The following PRKN variants were observed in gnomAD, a reference collection of about 807,000 sequenced individuals.
PRKN encodes the protein E3 ubiquitin-protein ligase parkin.
A neutral mutation model predicts 59.5 loss-of-function variants in PRKN; 56 were observed. The observed-to-expected ratio is 0.94, with a 90% CI of 0.76 to 1.18. The LOEUF (loss-of-function observed/expected upper bound fraction) is 1.18. Ranked by LOEUF, PRKN falls within the 50% of genes most tolerant of loss-of-function variation. PRKN has a pLI of 0.00. For synonymous variants in PRKN, 250 were observed against 222.1 expected (o/e 1.13, Z -1.12); for missense variants, 657 against 596.4 (o/e 1.10, Z -1.06).
At chr6:161,682,463 G>A (rs1419730908) in intron 7 of PRKN, among the ~76,000 whole-genome samples, 1 of 152,162 alleles carries the variant, frequency 6.6e-6, no homozygotes, top group African/African-American at 2.4e-5. Flanking sequence ...AATGGTTAGG[G>A]TGCATTGTGA....
At chr6:162,247,246 TAGA>T (rs1275064908) in intron 3 of PRKN, among the ~76,000 whole-genome samples, 1 of 152,154 alleles carries the variant, frequency 6.6e-6, no homozygotes, top group Non-Finnish European at 1.5e-5. Flanking sequence ...GAGACTTAAA[TAGA>T]AGAAACAGTA....
At position 162,011,504 on chromosome 6, in the gene PRKN, TATTATATATATATTA is replaced by T. The variant is rs1172164446; in HGVS notation, c.619-38102_619-38088del. Among the ~76,000 whole-genome samples, 54 of 36,622 alleles carry T rather than the reference TATTATATATATATTA, an allele frequency of 1.5e-3. 11 individuals carry two copies. The highest frequency in any genetic ancestry group is 4.5e-3 in the East Asian group (6 of 1,330). The allele number at this position is 36,622 out of a possible 152,430, so 24.0% of individuals were successfully genotyped here. A position where few individuals can be genotyped will look rare whatever the true frequency, so the allele number is the denominator to read the frequency against. The stretch of plus-strand genomic sequence containing the variant: ...TATTATAATATATATAATATATATT[TATTATATATATATTA>T]TATATATATATAAAACTTTCCAGAC... On this transcript the variant is annotated intron_variant, in intron 5 of 11. Transcript: ENST00000366898.
intron 7 of PRKN, among the ~76,000 whole-genome samples, chr6:161,726,837 A>C (rs1787462053): frequency 6.6e-6 from 1 of 152,200 alleles, no homozygotes; most frequent in African/African-American, 2.4e-5. Context: ...GAAACTATGA[A>C]AATAAAATCT....
At chr6:161,869,773 G>T (rs540890588) in intron 6 of PRKN, among the ~76,000 whole-genome samples, 69 of 152,188 alleles carry the variant, frequency 4.5e-4, no homozygotes, top group Middle Eastern at 3.4e-3. Context: ...CTTATTCATT[G>T]TCTTCTTCCC....
intron 2 of PRKN, among the ~76,000 whole-genome samples, chr6:162,421,175 T>C (rs193117485): frequency 7.4e-4 from 112 of 152,322 alleles, no homozygotes; most frequent in Non-Finnish European, 1.3e-3. Flanking sequence ...GGAAATCTTA[T>C]TATGCACGAT....
At chr6:162,540,533 C>T (rs976402683) in intron 1 of PRKN, among the ~76,000 whole-genome samples, 3 of 152,012 alleles carry the variant, frequency 2.0e-5, no homozygotes, top group East Asian at 1.9e-4. Context: ...ACTGGCTGGG[C>T]GTGGTGGCTC....
At chr6:161,370,883 C>G (rs559577389) in intron 10 of PRKN, among the ~76,000 whole-genome samples, 1 of 152,336 alleles carries the variant, frequency 6.6e-6, no homozygotes, top group East Asian at 1.9e-4. Flanking sequence ...GCTTTCTCAT[C>G]AACGCTCGCC....
chr6:161,570,146 A>AATATATAT (rs1554277877), intron 7 of PRKN, among the ~76,000 whole-genome samples: 15 of 76,582 alleles, frequency 2.0e-4, no homozygotes, highest in African/African-American at 6.8e-4. Context: ...AAAAAAAAAA[A>AATATATAT]ATATATATAT....
intron 6 of PRKN, among the ~76,000 whole-genome samples, chr6:161,920,110 G>A (rs576457474): frequency 3.9e-5 from 6 of 152,324 alleles, no homozygotes; most frequent in South Asian, 2.1e-4. Context: ...CCGGCTGGGC[G>A]TGCTGGTTCA....
chr6:162,274,743 G>C (rs1400745535), intron 2 of PRKN, among the ~76,000 whole-genome samples: 3 of 152,068 alleles, frequency 2.0e-5, no homozygotes, highest in African/African-American at 4.8e-5. Context: ...TTGCATATGG[G>C]TGGTATTACT....
rs542234777 is a variant in PRKN at position 161,735,745 on chromosome 6, T to A, written c.871+50027A>T. 2.4e-4 allele frequency among the ~76,000 whole-genome samples: 37 copies of A among 152,094 alleles called. No homozygotes were observed. In the South Asian group the frequency reaches 7.1e-3, roughly 29 times the overall value. ...GTCTGGCCAACATGGTGAAACTCCA[T>A]CTCTACTAAAAATACAAAAATTAGC... On this transcript the variant is annotated intron_variant, in intron 7 of 11. Transcript: ENST00000366898.
chr6:161,938,728 A>G (rs896897237), intron 6 of PRKN, among the ~76,000 whole-genome samples: 1 of 152,238 alleles, frequency 6.6e-6, no homozygotes, highest in Admixed American at 6.5e-5. Flanking sequence ...TGTTTGAGCC[A>G]CTGTATAACT....
intron 4 of PRKN, among the ~76,000 whole-genome samples, chr6:162,121,573 G>C (rs1399858062): frequency 6.6e-6 from 1 of 152,218 alleles, no homozygotes; most frequent in Non-Finnish European, 1.5e-5. Context: ...GGCAGTGCAA[G>C]CTGCTTTGCC....
intron 4 of PRKN, among the ~76,000 whole-genome samples, chr6:162,072,882 C>T (rs1330006368): frequency 6.6e-6 from 1 of 152,082 alleles, no homozygotes; most frequent in Non-Finnish European, 1.5e-5. Context: ...AGTGAATATT[C>T]GATAAACGTT....
chr6:162,700,058 A>C (rs1196016493), intron 1 of PRKN, among the ~76,000 whole-genome samples: 2 of 152,170 alleles, frequency 1.3e-5, no homozygotes, highest in Non-Finnish European at 2.9e-5. Flanking sequence ...TTCCATGTTC[A>C]TTAAAATCAT....
At position 161,602,619 on chromosome 6, in the gene PRKN, A is replaced by T. The variant is rs142458847; in HGVS notation, c.872-33203T>A. On this transcript the variant is annotated intron_variant, in intron 7 of 11. Transcript: ENST00000366898. ...AGATTTGCTCTCTGTAGACTGCTGG[A>T]CTGTAAATAATCAGCCATCTCCAGC... Among the ~76,000 whole-genome samples the T allele has an allele frequency of 4.1e-4, 62 of 152,354 alleles. No homozygotes were observed. In the East Asian group the frequency reaches 0.011, roughly 26 times the overall value.
At chr6:161,856,829 G>A (rs1009501334) in intron 6 of PRKN, among the ~76,000 whole-genome samples, 1 of 152,038 alleles carries the variant, frequency 6.6e-6, no homozygotes, top group African/African-American at 2.4e-5. Context: ...CTAAAATACT[G>A]GGCTTTATAT....
chr6:161,828,762 T>C (rs1361501422), intron 6 of PRKN, among the ~76,000 whole-genome samples: 1 of 151,860 alleles, frequency 6.6e-6, no homozygotes, highest in Non-Finnish European at 1.5e-5. Context: ...CTACTAAAAA[T>C]ACAACAATAA....
intron 1 of PRKN, among the ~76,000 whole-genome samples, chr6:162,700,150 T>C (rs1036803084): frequency 2.0e-5 from 3 of 152,186 alleles, no homozygotes; most frequent in African/African-American, 2.4e-5. Flanking sequence ...CTGGACCTCG[T>C]TGGGTTATTG....
Sources: gnomAD v4.1 joint callset for allele counts (sites outside exome capture counted in the v4.1 genomes callset) on GRCh38, gnomAD v4.1.1 for gene constraint, MANE v1.5 for transcripts, NCBI Gene and HGNC (gene_info 2026-07-23, HGNC 2026-07-21) for gene names.